The following CHD6 variants were observed in gnomAD, a reference collection of about 807,000 sequenced individuals.
CHD6 encodes the protein ATP-dependent chromatin remodeler CHD6.
Under a neutral mutation model 276.9 loss-of-function variants are expected in CHD6, and 50 were observed. The observed-to-expected ratio is 0.18, with a 90% confidence interval of 0.14 to 0.23. The LOEUF is 0.23. Among genes scored for constraint, CHD6 ranks in the 10% least tolerant of loss-of-function variants. CHD6 has a pLI of 1.00. For missense variants in CHD6, 2,564 were observed against 3,365.8 expected (o/e 0.76, Z 5.89); for synonymous variants, 1,173 against 1,229.3 (o/e 0.95, Z 0.96).
At position 41,497,589 on chromosome 20, in the gene CHD6, AAC is replaced by A. The variant is rs1174683292; in HGVS notation, c.975-90_975-89del. ...TGTTCAATAAACACGGTGACCACCT[AAC>A]ACAGAAATAGTAAAATGGTTTATTG... On this transcript the variant is annotated intron_variant, in intron 7 of 36. Transcript: ENST00000373233. The A allele has an allele frequency of 8.0e-6, 7 of 873,654 alleles. No homozygotes were observed. In the Admixed American group the frequency reaches 8.5e-5, roughly 11 times the overall value. The allele number at this position is 873,654 out of a possible 1,614,324, so 54.1% of individuals were successfully genotyped here. A position where few individuals can be genotyped will look rare whatever the true frequency, so the allele number is the denominator to read the frequency against.
rs748125227 is a variant in CHD6, at chr20:41,420,739, C to G, written c.5896G>C (p.Asp1966His). ...GTATTGGTTTTACTTTTGAACAGAT[C>G]TGGGATATAAGCCTTGGGTTTCTCG... ...EIEKPKAYIP[D>H]LFKSKTNTIA... The change falls in exon 31 of 37, where the codon GAT becomes CAT. Residue 1966 changes from aspartate (D) to histidine (H), a missense_variant. By Grantham distance (81) the Asp-to-His change is moderately conservative. Around this residue, in one of 7 missense-constraint regions of CHD6, gnomAD observed 1,024 missense variants for 1,047.9 expected, o/e 0.98. Coordinates refer to ENST00000373233, the MANE Select transcript of CHD6 (RefSeq NM_032221.5). 5.0e-6 allele frequency: 8 copies of G among 1,614,228 alleles called. No individual in the cohort carries two copies. The highest frequency in any genetic ancestry group is 5.9e-6 in the Non-Finnish European group (7 of 1,180,044).
chr20:41,458,120 T>C (rs565138719), intron 17 of CHD6, among the ~76,000 whole-genome samples: 1 of 152,326 alleles, frequency 6.6e-6, no homozygotes, highest in East Asian at 1.9e-4. Context: ...CCTGATCAGC[T>C]TAAGATTTGA....
At chr20:41,429,632 C>T (rs2047472223) in intron 27 of CHD6, among the ~76,000 whole-genome samples, 1 of 152,076 alleles carries the variant, frequency 6.6e-6, no homozygotes, top group South Asian at 2.1e-4. Flanking sequence ...CTGGTCTCAG[C>T]AATTTAAAAT....
chr20:41,511,605 A>C (rs1024126951), intron 5 of CHD6, among the ~76,000 whole-genome samples: 1 of 152,070 alleles, frequency 6.6e-6, no homozygotes, highest in Non-Finnish European at 1.5e-5. Flanking sequence ...AAAAACTAAA[A>C]ACCTTAGGTG....
chr20:41,452,736 C>T lies in CHD6; in HGVS notation c.3323+4G>A, dbSNP rs1438414171. ...CAACAAAACTAAGCAGAGCCAATAC[C>T]CACCCAAAGATGAGCAGGTTCTTCT... is the stretch of plus-strand genomic sequence containing the variant. On this transcript the variant is annotated splice_donor_region_variant and intron_variant, in intron 21 of 36. Coordinates refer to ENST00000373233, the MANE Select transcript of CHD6 (RefSeq NM_032221.5). This position sits in a 1 kb window ranked among gnomAD's most constrained non-coding sequence, Gnocchi z 4.2. The T allele has an allele frequency of 1.2e-6, 2 of 1,612,308 alleles. No individual in the cohort carries two copies. Among genetic ancestry groups the T allele is most frequent in the Non-Finnish European group, 1.7e-6 (2 of 1,179,438 alleles).
chr20:41,528,764 T>A (rs546873002), intron 3 of CHD6, among the ~76,000 whole-genome samples: 13 of 152,360 alleles, frequency 8.5e-5, no homozygotes, highest in Non-Finnish European at 1.5e-4. Flanking sequence ...AATAAATGAA[T>A]ACTGATCACT....
chr20:41,441,727 C>T (rs1255923710), intron 25 of CHD6, among the ~76,000 whole-genome samples: 1 of 152,194 alleles, frequency 6.6e-6, no homozygotes, highest in Non-Finnish European at 1.5e-5. Flanking sequence ...GGAAGAATGA[C>T]TCTTTCAGTC....
chr20:41,520,602 T>C lies in CHD6; in HGVS notation c.555-5650A>G, dbSNP rs868852346. 9.6e-4 allele frequency among the ~76,000 whole-genome samples: 133 copies of C among 138,926 alleles called. 1 individual carries two copies. Among genetic ancestry groups the C allele is most frequent in the Admixed American group, 4.1e-3 (50 of 12,344 alleles). The allele number at this position is 138,926 out of a possible 152,430, so 91.1% of individuals were successfully genotyped here. ...ACCAAACACCGCATGTTCTCACTCA[T>C]AGGTGGGAACTGAACAATGAGAACA... On this transcript the variant is annotated intron_variant, in intron 3 of 36. Coordinates refer to ENST00000373233, the MANE Select transcript of CHD6 (RefSeq NM_032221.5).
chr20:41,566,426 A>G (rs942535933), intron 1 of CHD6, among the ~76,000 whole-genome samples: 3 of 152,148 alleles, frequency 2.0e-5, no homozygotes, highest in Non-Finnish European at 4.4e-5. Flanking sequence ...TGTAAAGCCT[A>G]AAATTCAGGC....
intron 5 of CHD6, among the ~76,000 whole-genome samples, chr20:41,499,703 G>A (rs538549231): frequency 6.6e-6 from 1 of 152,264 alleles, no homozygotes; most frequent in African/African-American, 2.4e-5. Context: ...AGCTCTAAGA[G>A]TATGGGGTCT....
At chr20:41,612,925 A>C (rs962425362) in intron 1 of CHD6, among the ~76,000 whole-genome samples, 2 of 152,214 alleles carry the variant, frequency 1.3e-5, no homozygotes, top group Non-Finnish European at 2.9e-5. Context: ...AAAAATCTCC[A>C]GAATAACTTT....
intron 1 of CHD6, among the ~76,000 whole-genome samples, chr20:41,589,322 C>A (rs1292215059): frequency 1.3e-5 from 2 of 152,140 alleles, no homozygotes; most frequent in Non-Finnish European, 2.9e-5. Context: ...CAGGGATGCC[C>A]TCTCTCACCA....
In CHD6 at chr20:41,452,564, C is replaced by T. The variant is rs879807927; in HGVS notation, c.3323+176G>A. 8.5e-5 allele frequency among the ~76,000 whole-genome samples: 13 copies of T among 152,144 alleles called. No homozygotes were observed. The highest frequency in any genetic ancestry group is 1.7e-4 in the African/African-American group (7 of 41,432). On this transcript the variant is annotated intron_variant, in intron 21 of 36. Transcript: ENST00000373233. This position sits in a 1 kb window ranked among gnomAD's most constrained non-coding sequence, Gnocchi z 4.2. Reference sequence around the variant, plus strand: ...GTCTGCATTGTGGTTGCGGAGCATACGGTGACTGAGACGGATTCTGGGCAG... The same window carrying T: ...GTCTGCATTGTGGTTGCGGAGCATATGGTGACTGAGACGGATTCTGGGCAG...
intron 2 of CHD6, 36 bp downstream of exon 2, chr20:41,551,269 C>G (rs1360352821): frequency 1.0e-5 from 14 of 1,388,816 alleles, no homozygotes; most frequent in African/African-American, 1.5e-5. Context: ...CCAAGATACC[C>G]GGATGCATTC....
intron 27 of CHD6, among the ~76,000 whole-genome samples, chr20:41,435,959 A>T (rs1260826259): frequency 1.3e-5 from 2 of 152,164 alleles, no homozygotes; most frequent in Admixed American, 1.3e-4. Flanking sequence ...GAACCCACAA[A>T]TATGCCAAAC....
chr20:41,518,577 T>C (rs2044308829), intron 3 of CHD6, among the ~76,000 whole-genome samples: 1 of 152,064 alleles, frequency 6.6e-6, no homozygotes, highest in African/African-American at 2.4e-5. Context: ...GTCAGTAAAA[T>C]AGGAAAATAC....
intron 1 of CHD6, among the ~76,000 whole-genome samples, chr20:41,564,434 A>G (rs1252114593): frequency 6.6e-6 from 1 of 152,242 alleles, no homozygotes; most frequent in Non-Finnish European, 1.5e-5. Context: ...AAAAGTCTAT[A>G]TACTGTATGA....
At chr20:41,563,241 A>G (rs1225037491) in intron 1 of CHD6, among the ~76,000 whole-genome samples, 1 of 152,226 alleles carries the variant, frequency 6.6e-6, no homozygotes, top group African/African-American at 2.4e-5. Flanking sequence ...AACCAAGAGT[A>G]TTAGGAAAGC....
intron 1 of CHD6, among the ~76,000 whole-genome samples, chr20:41,597,441 C>T (rs1399628490): frequency 6.6e-6 from 1 of 152,108 alleles, no homozygotes; most frequent in Non-Finnish European, 1.5e-5. Flanking sequence ...GGACTCAAGG[C>T]CTCCTAGCGC....
Sources: gnomAD v4.1 joint callset for allele counts (sites outside exome capture counted in the v4.1 genomes callset) on GRCh38, gnomAD v4.1.1 for gene constraint, gnomAD v4.1.1 regional missense constraint, Gnocchi (gnomAD v3.1) non-coding constraint, MANE v1.5 for transcripts, NCBI Gene and HGNC (gene_info 2026-07-23, HGNC 2026-07-21) for gene names.